Variants in IRS2 observed in about 807,000 individuals in gnomAD.
The protein encoded by IRS2 is insulin receptor substrate 2.
In IRS2, 28 loss-of-function variants were observed where a neutral mutation model predicts 70.9. The observed-to-expected ratio is 0.39, with a 90% CI of 0.29 to 0.54. The LOEUF is 0.54. Ranked by LOEUF, IRS2 falls within the 20% of genes least tolerant of loss-of-function variation. The pLI is 0.59. For missense variants in IRS2, 2,081 were observed against 2,024.1 expected, an observed-to-expected ratio of 1.03 and a Z score of -0.54; for synonymous variants, 1,217 against 981.9, an observed-to-expected ratio of 1.24 and a Z score of -4.48.
Position 109,783,126 on chromosome 13 carries a change from G to C in IRS2, c.2928C>G (p.Ser976=), listed in dbSNP as rs2138931751. The C allele has an allele frequency of 7.2e-7, 1 of 1,386,922 alleles. No individual in the cohort carries two copies. Among genetic ancestry groups the C allele is most frequent in the Non-Finnish European group, 9.3e-7 (1 of 1,077,176 alleles). 85.9% of individuals were successfully genotyped at this position (1,386,922 alleles called of 1,614,324 possible). ...AGCTGAAGTCGAGGTTCATGTAGTC[G>C]GAGAGCGGAGACCGCTGCCGGCTGT... ...SSDSRQRSPL[S]DYMNLDFSSP... The change falls in exon 1 of 2, where the codon TCC becomes TCG. Residue 976 remains serine, a synonymous_variant. Coordinates refer to ENST00000375856, the MANE Select transcript of IRS2 (RefSeq NM_003749.3).
At chr13:109,772,717 C>G (rs1877480969) in intron 1 of IRS2, among the ~76,000 whole-genome samples, 3 of 140,498 alleles carry the variant, frequency 2.1e-5, no homozygotes, top group African/African-American at 8.0e-5. Flanking sequence ...GAGACGGAGT[C>G]TCGCTCTGTC....
intron 1 of IRS2, among the ~76,000 whole-genome samples, chr13:109,765,389 T>C (rs1375672202): frequency 6.6e-6 from 1 of 152,124 alleles, no homozygotes; most frequent in Non-Finnish European, 1.5e-5. Flanking sequence ...ATCCACATCT[T>C]TGGCTCCTCT....
chr13:109,780,339 TTC>T (rs1269219724), intron 1 of IRS2, among the ~76,000 whole-genome samples: 1 of 152,220 alleles, frequency 6.6e-6, no homozygotes, highest in African/African-American at 2.4e-5. Flanking sequence ...TCCTTCAACT[TTC>T]TGACACACTA....
intron 1 of IRS2, among the ~76,000 whole-genome samples, chr13:109,756,922 C>T (rs1877119100): frequency 1.3e-5 from 2 of 152,160 alleles, no homozygotes; most frequent in African/African-American, 2.4e-5. Context: ...GGTTCCTGCA[C>T]GGCCTCATGT....
chr13:109,784,706 A>G lies in IRS2; in HGVS notation c.1348T>C (p.Ser450Pro), dbSNP rs2138936611. Residue 450 changes from serine to proline, a missense_variant, in exon 1 of 2, where the codon TCC becomes CCC. Around this residue, in one of 4 missense-constraint regions of IRS2, gnomAD observed 1,615 missense variants for 1,459.5 expected, o/e 1.11. Coordinates refer to ENST00000375856, the MANE Select transcript of IRS2 (RefSeq NM_003749.3). This position sits in a 1 kb window ranked among gnomAD's most constrained non-coding sequence, Gnocchi z 5.2. ...PAATSPGSLS[S>P]SSGHGSGSYP... is the part of the protein sequence containing the mutation. ...GAGCCCGAGCCGTGGCCGCTGCTGG[A>G]CGACAGGGAGCCGGGGCTGGTGGCG... 1.6e-6 allele frequency: 2 copies of G among 1,231,826 alleles called. No homozygotes were observed. The highest frequency in any genetic ancestry group is 3.7e-5 in the South Asian group (1 of 26,702). The allele number at this position is 1,231,826 out of a possible 1,614,324, so 76.3% of individuals were successfully genotyped here.
chr13:109,758,829 CAAAAAA>C (rs3049004), intron 1 of IRS2, among the ~76,000 whole-genome samples: 2 of 103,028 alleles, frequency 1.9e-5, no homozygotes, highest in Non-Finnish European at 4.1e-5. Flanking sequence ...AGATGGCTGA[CAAAAAA>C]AAAAAAAAAA....
chr13:109,764,213 C>T (rs1877287106), intron 1 of IRS2, among the ~76,000 whole-genome samples: 1 of 152,200 alleles, frequency 6.6e-6, no homozygotes, highest in South Asian at 2.1e-4. Flanking sequence ...ACTCCATGCC[C>T]CCATCTCTGT....
intron 1 of IRS2, among the ~76,000 whole-genome samples, chr13:109,781,236 G>C (rs532181149): frequency 6.6e-6 from 1 of 152,092 alleles, no homozygotes; most frequent in Non-Finnish European, 1.5e-5. Context: ...GTGGTCCCCC[G>C]GCCAGCAGCA....
At position 109,783,540 on chromosome 13, in the gene IRS2, A is replaced by T; in HGVS notation, c.2514T>A (p.Arg838=). 1 of 1,549,422 alleles carries T rather than the reference A, an allele frequency of 6.5e-7. No individual in the cohort carries two copies. Among genetic ancestry groups the T allele is most frequent in the Non-Finnish European group, 8.7e-7 (1 of 1,146,768 alleles). The change falls in exon 1 of 2, where the codon CGT becomes CGA. Residue 838 remains arginine, a synonymous_variant. Transcript: ENST00000375856. ...GCCCTGGCGTGGCCTGAGGCTCCAG[A>T]CGCTCCTCCTCCAGGATGCGCCCCA... ...SPVGRILEEE[R]LEPQATPGPS...
chr13:109,783,987 G>A lies in IRS2; in HGVS notation c.2067C>T (p.Ile689=), dbSNP rs542971879. 100 of 1,529,886 alleles carry A rather than the reference G, an allele frequency of 6.5e-5. No homozygotes were observed. The African/African-American group carries it at 1.0e-3, about 16-fold the overall frequency. 94.8% of individuals were successfully genotyped at this position (1,529,886 alleles called of 1,614,324 possible). A position where few individuals can be genotyped will look rare whatever the true frequency, so the allele number is the denominator to read the frequency against. Residue 689 remains isoleucine, a synonymous_variant, in exon 1 of 2, where the codon ATC becomes ATT. Transcript: ENST00000375856. ...SPASVSAPKQ[I]LQPRAAAAAA... is the part of the protein sequence containing the mutation. Reference sequence around the variant, plus strand: ...CGGCGGCGGCGGCCCTGGGCTGCAAGATCTGCTTGGGGGCGGACACGCTGG... The same window carrying A: ...CGGCGGCGGCGGCCCTGGGCTGCAAAATCTGCTTGGGGGCGGACACGCTGG...
chr13:109,761,765 G>C (rs531358365), intron 1 of IRS2, among the ~76,000 whole-genome samples: 5 of 152,142 alleles, frequency 3.3e-5, no homozygotes, highest in Admixed American at 6.5e-5. Flanking sequence ...TGCCCTCCTT[G>C]AGAAAGACTG....
intron 1 of IRS2, among the ~76,000 whole-genome samples, chr13:109,772,688 A>ATTTTTTT (rs34886741): frequency 7.6e-6 from 1 of 130,906 alleles, no homozygotes; most frequent in African/African-American, 3.0e-5. Context: ...TGCCTATTAC[A>ATTTTTTT]TTTTTTTTTT....
chr13:109,783,111 G>A lies in IRS2; in HGVS notation c.2943C>T (p.Leu981=), dbSNP rs1877773713. 1 of 1,391,602 alleles carries A rather than the reference G, an allele frequency of 7.2e-7. No individual in the cohort carries two copies. Among genetic ancestry groups the A allele is most frequent in the Non-Finnish European group, 9.3e-7 (1 of 1,079,702 alleles). 86.2% of individuals were successfully genotyped at this position (1,391,602 alleles called of 1,614,324 possible). The change falls in exon 1 of 2, where the codon CTC becomes CTT. Residue 981 remains leucine, a synonymous_variant. Transcript: ENST00000375856. The part of the protein sequence containing the change: ...QRSPLSDYMN[L]DFSSPKSPKP... Reference sequence around the variant, plus strand: ...TAGGAGACTTGGGGGAGCTGAAGTCGAGGTTCATGTAGTCGGAGAGCGGAG... The same window carrying A: ...TAGGAGACTTGGGGGAGCTGAAGTCAAGGTTCATGTAGTCGGAGAGCGGAG...
At chr13:109,778,551 A>G (rs78005022) in intron 1 of IRS2, among the ~76,000 whole-genome samples, 10,218 of 152,214 alleles carry the variant, frequency 0.067, 374 homozygotes, top group Non-Finnish European at 0.074. Flanking sequence ...CAAACAGAAA[A>G]CTTGTGTGGT....
chr13:109,786,148 T>A lies in IRS2; in HGVS notation c.-95A>T. The A allele has an allele frequency of 1.4e-6, 1 of 696,216 alleles. No individual in the cohort carries two copies. Among genetic ancestry groups the A allele is most frequent in the Non-Finnish European group, 1.8e-6 (1 of 569,266 alleles). The allele number at this position is 696,216 out of a possible 1,614,324, so 43.1% of individuals were successfully genotyped here. A position where few individuals can be genotyped will look rare whatever the true frequency, so the allele number is the denominator to read the frequency against. ...GGGCGGGGGCGGCTCCCTCCCACCC[T>A]TGCGCCCGGCCGCCCGCCCGATCAC... On this transcript the variant is annotated 5_prime_UTR_variant, in exon 1 of 2. In the 5' UTR this introduces an upstream ATG that the reference lacks. Coordinates refer to ENST00000375856, the MANE Select transcript of IRS2 (RefSeq NM_003749.3). The surrounding 1 kb of genome is among the most constrained non-coding windows in gnomAD (Gnocchi z 4.4).
Position 109,782,601 on chromosome 13 carries a change from G to C in IRS2, c.3453C>G (p.Thr1151=), listed in dbSNP as rs759524557. 11 of 1,579,036 alleles carry C rather than the reference G, an allele frequency of 7.0e-6. No individual in the cohort carries two copies. The highest frequency in any genetic ancestry group is 9.5e-6 in the Non-Finnish European group (11 of 1,163,678). The change falls in exon 1 of 2, where the codon ACC becomes ACG. Residue 1151 remains threonine, a synonymous_variant. Coordinates refer to ENST00000375856, the MANE Select transcript of IRS2 (RefSeq NM_003749.3). ...QGGRRRHSSE[T]FSSTTTVTPV... is the part of the protein sequence containing the mutation. ...GGGTGACCGTCGTGGTGGAGGAGAA[G>C]GTCTCGGAACTGTGGCGGCGGCGGC...
chr13:109,758,112 T>C (rs1877146703), intron 1 of IRS2, among the ~76,000 whole-genome samples: 1 of 152,268 alleles, frequency 6.6e-6, no homozygotes, highest in Non-Finnish European at 1.5e-5. Context: ...TGATTCATTA[T>C]TGTTGTGATT....
intron 1 of IRS2, among the ~76,000 whole-genome samples, chr13:109,761,990 C>G (rs1877236829): frequency 6.6e-6 from 1 of 152,160 alleles, no homozygotes; most frequent in South Asian, 2.1e-4. Flanking sequence ...CACATAAGAC[C>G]TGGTCTTAAT....
chr13:109,781,800 CA>C (rs1340999574), intron 1 of IRS2, among the ~76,000 whole-genome samples: 2 of 151,828 alleles, frequency 1.3e-5, no homozygotes, highest in African/African-American at 4.9e-5. Context: ...GGTGGGGCCT[CA>C]AAAAATCAGT....
Sources: allele counts gnomAD v4.1 joint callset (sites outside exome capture counted in the v4.1 genomes callset), GRCh38; gene constraint gnomAD v4.1.1; regional missense constraint gnomAD v4.1.1; non-coding constraint Gnocchi (gnomAD v3.1); transcripts MANE v1.5; gene names NCBI Gene and HGNC (gene_info 2026-07-23, HGNC 2026-07-21).